C12orf42: variants seen among roughly 807,000 people sequenced by gnomAD.
The protein encoded by C12orf42 is uncharacterized protein C12orf42.
A neutral mutation model predicts 21.6 loss-of-function variants in C12orf42; 25 were observed. The observed-to-expected ratio is 1.16, with a 90% CI of 0.84 to 1.62. The LOEUF (loss-of-function observed/expected upper bound fraction) is 1.62. Ranked by LOEUF, C12orf42 falls within the 40% of genes most tolerant of loss-of-function variation. C12orf42 has a pLI of 0.00. For missense variants in C12orf42, 483 were observed against 459.3 expected (o/e 1.05, Z -0.47); for synonymous variants, 174 against 175.0 (o/e 0.99, Z 0.05).
At chr12:103,384,455 C>T (rs1238839645) in intron 3 of C12orf42, among the ~76,000 whole-genome samples, 1 of 152,150 alleles carries the variant, frequency 6.6e-6, no homozygotes, top group Non-Finnish European at 1.5e-5. Flanking sequence ...AGATATTTAA[C>T]CTTATCAAGT....
chr12:103,403,459 G>A (rs979895309), intron 2 of C12orf42, among the ~76,000 whole-genome samples: 2 of 151,992 alleles, frequency 1.3e-5, no homozygotes, highest in African/African-American at 4.8e-5. Context: ...TGTGGAGCCA[G>A]AAGGAATTCT....
chr12:103,231,210 T>C, the C12orf42 span, among the ~76,000 whole-genome samples: 5 of 152,222 alleles, frequency 3.3e-5, no homozygotes, highest in Non-Finnish European at 7.3e-5. Context: ...AGATTTCCCA[T>C]ATATCCCTGC....
At chr12:103,537,354 C>T in the C12orf42 span, among the ~76,000 whole-genome samples, 24 of 151,688 alleles carry the variant, frequency 1.6e-4, no homozygotes, top group South Asian at 4.8e-3. Context: ...CCTATTAAAC[C>T]GAGGGATCCC....
intron 4 of C12orf42, among the ~76,000 whole-genome samples, chr12:103,292,682 A>G (rs1190386335): frequency 6.6e-6 from 1 of 152,230 alleles, no homozygotes; most frequent in African/African-American, 2.4e-5. Context: ...AATGCTTTAG[A>G]AAAGAGTATT....
intron 4 of C12orf42, among the ~76,000 whole-genome samples, chr12:103,357,066 A>T: frequency 6.9e-6 from 1 of 145,702 alleles, no homozygotes; most frequent in Non-Finnish European, 1.5e-5. Flanking sequence ...CAAACACCGC[A>T]TGTTCTCACT....
chr12:103,252,871 C>A (rs1230033525), intron 10 of C12orf42, among the ~76,000 whole-genome samples: 1 of 152,086 alleles, frequency 6.6e-6, no homozygotes, highest in Non-Finnish European at 1.5e-5. Flanking sequence ...ATCATGAAGT[C>A]TTTGCCCATG....
chr12:103,540,018 T>C, the C12orf42 span, among the ~76,000 whole-genome samples: 5 of 152,004 alleles, frequency 3.3e-5, no homozygotes, highest in Non-Finnish European at 7.3e-5. Flanking sequence ...TTTGTTTTTG[T>C]TTTTGTTTCT....
the C12orf42 span, among the ~76,000 whole-genome samples, chr12:103,520,234 G>T: frequency 7.2e-5 from 11 of 152,132 alleles, no homozygotes; most frequent in African/African-American, 2.7e-4. Flanking sequence ...AGGACATTAG[G>T]AGAGAGTGGT....
chr12:103,108,563 C>T, the C12orf42 span, among the ~76,000 whole-genome samples: 3 of 151,890 alleles, frequency 2.0e-5, no homozygotes, highest in East Asian at 1.9e-4. Flanking sequence ...GAAAATACAA[C>T]CCAGTAATTA....
intron 5 of C12orf42, among the ~76,000 whole-genome samples, chr12:103,304,554 G>A (rs1238674008): frequency 2.6e-5 from 4 of 152,188 alleles, no homozygotes; most frequent in Admixed American, 1.3e-4. Flanking sequence ...CAAGTGCTCA[G>A]TACTCAAGAG....
At chr12:103,069,064 T>A in the C12orf42 span, among the ~76,000 whole-genome samples, 390 of 147,272 alleles carry the variant, frequency 2.6e-3, 4 homozygotes, top group African/African-American at 9.4e-3. Flanking sequence ...AAAAAGATAC[T>A]TTTTGTTCTC....
the C12orf42 span, chr12:103,155,058 G>A: frequency 6.6e-6 from 1 of 152,176 alleles, no homozygotes; most frequent in Non-Finnish European, 1.5e-5. Flanking sequence ...AAAGCCCACT[G>A]CAGAAATTTG....
chr12:103,073,172 A>G, the C12orf42 span, among the ~76,000 whole-genome samples: 73 of 152,182 alleles, frequency 4.8e-4, no homozygotes, highest in Non-Finnish European at 9.1e-4. Context: ...AGTGGGACCT[A>G]TTGGAGGATG....
the C12orf42 span, among the ~76,000 whole-genome samples, chr12:103,503,147 T>C: frequency 1.3e-5 from 2 of 152,188 alleles, no homozygotes; most frequent in South Asian, 2.1e-4. Context: ...GACAAATTAA[T>C]AGGTTGAAGG....
chr12:103,502,981 C>T, the C12orf42 span, among the ~76,000 whole-genome samples: 1 of 152,094 alleles, frequency 6.6e-6, no homozygotes, highest in Non-Finnish European at 1.5e-5. Context: ...TACTGTCATT[C>T]CCTTGCTTGT....
At chr12:103,084,007 A>C in the C12orf42 span, among the ~76,000 whole-genome samples, 1 of 152,224 alleles carries the variant, frequency 6.6e-6, no homozygotes, top group Non-Finnish European at 1.5e-5. Context: ...TTAGTAAATG[A>C]TAACTGCAGT....
the C12orf42 span, among the ~76,000 whole-genome samples, chr12:103,142,800 G>A: frequency 1.1e-4 from 16 of 152,102 alleles, no homozygotes; most frequent in African/African-American, 3.9e-4. Flanking sequence ...CTCAACTTGT[G>A]CAGCAAACTA....
intron 10 of C12orf42, among the ~76,000 whole-genome samples, chr12:103,260,417 C>G (rs2034834599): frequency 6.6e-6 from 1 of 152,164 alleles, no homozygotes; most frequent in Admixed American, 6.5e-5. Context: ...GCCCAGGCAA[C>G]AAGATACACC....
chr12:103,542,281 T>C, the C12orf42 span, among the ~76,000 whole-genome samples: 1 of 152,188 alleles, frequency 6.6e-6, no homozygotes, highest in Non-Finnish European at 1.5e-5. Flanking sequence ...TGAACATGAG[T>C]GGTGCGTCTG....
Sources: gnomAD v4.1 joint callset for allele counts (sites outside exome capture counted in the v4.1 genomes callset) on GRCh38, gnomAD v4.1.1 for gene constraint, MANE v1.5 for transcripts, NCBI Gene and HGNC (gene_info 2026-07-23, HGNC 2026-07-21) for gene names.